The following RIMKLB variants were observed in gnomAD, a reference collection of about 807,000 sequenced individuals.
The protein encoded by RIMKLB is beta-citrylglutamate synthase B.
Under a neutral mutation model 32.0 loss-of-function variants are expected in RIMKLB, and 7 were observed. The observed-to-expected ratio is 0.22, with a 90% CI of 0.12 to 0.41. The LOEUF (loss-of-function observed/expected upper bound fraction) is 0.41. Among genes scored for constraint, RIMKLB ranks in the 10% least tolerant of loss-of-function variants. RIMKLB has a pLI of 1.00. For synonymous variants in RIMKLB, 172 were observed against 185.1 expected (o/e 0.93, Z 0.57); for missense variants, 289 against 498.7 (o/e 0.58, Z 4.00).
chr12:8,754,257 C>T (rs1030322484), intron 5 of RIMKLB, among the ~76,000 whole-genome samples, 164 bp downstream of exon 5: 1 of 152,082 alleles, frequency 6.6e-6, no homozygotes, highest in African/African-American at 2.4e-5. Context: ...TAATTAAACT[C>T]TTGAGTTATT....
At chr12:8,762,953 G>A (rs1382820178) in intron 5 of RIMKLB, among the ~76,000 whole-genome samples, 1 of 152,176 alleles carries the variant, frequency 6.6e-6, no homozygotes, top group East Asian at 1.9e-4. Context: ...TTGTCTGGAA[G>A]AAATGTGGCT....
At chr12:8,746,598 CAAAAAAAAAAAAA>C (rs1185862870) in intron 2 of RIMKLB, among the ~76,000 whole-genome samples, 2 of 54,958 alleles carry the variant, frequency 3.6e-5, no homozygotes, top group Admixed American at 2.0e-4. Flanking sequence ...GACTCTGTCT[CAAAAAAAAAAAAA>C]AAAAAGAAAA....
At chr12:8,760,532 A>G (rs1009099610) in intron 5 of RIMKLB, among the ~76,000 whole-genome samples, 2 of 152,176 alleles carry the variant, frequency 1.3e-5, no homozygotes, top group Admixed American at 6.5e-5. Flanking sequence ...GTCTTCCACA[A>G]TGGTTGAACT....
At chr12:8,726,753 T>G (rs1176725679) in intron 2 of RIMKLB, among the ~76,000 whole-genome samples, 1 of 152,214 alleles carries the variant, frequency 6.6e-6, no homozygotes, top group African/African-American at 2.4e-5. Flanking sequence ...TCTTGTTTTT[T>G]GATCCACTGA....
chr12:8,680,772 C>T (rs1942394622), upstream of RIMKLB, among the ~76,000 whole-genome samples: 2 of 152,248 alleles, frequency 1.3e-5, 1 homozygote, highest in Non-Finnish European at 2.9e-5. Flanking sequence ...TAGAGATCTT[C>T]CTGAGACAGC....
chr12:8,735,186 T>C (rs1366463847), intron 2 of RIMKLB, among the ~76,000 whole-genome samples: 2 of 152,226 alleles, frequency 1.3e-5, no homozygotes, highest in Non-Finnish European at 2.9e-5. Context: ...TGTGGGGTAT[T>C]GCTGCCTACT....
chr12:8,673,063 G>A, the RIMKLB span, among the ~76,000 whole-genome samples: 1 of 152,086 alleles, frequency 6.6e-6, no homozygotes, highest in African/African-American at 2.4e-5. Flanking sequence ...TGTATTTTTA[G>A]TAGAGACAGG....
chr12:8,698,196 C>G lies in RIMKLB; in HGVS notation c.-158C>G, dbSNP rs760320588. ...CCCGGTATCCCGACCCCCTCCCCCT[C>G]CTCTCCTTCCCCCACTTCCAGCCGC... On this transcript the variant is annotated 5_prime_UTR_variant, in exon 1 of 6. Transcript: ENST00000535829. 5.0e-5 allele frequency: 18 copies of G among 362,632 alleles called. No homozygotes were observed. The highest frequency in any genetic ancestry group is 3.3e-4 in the South Asian group (18 of 54,918). The allele number at this position is 362,632 out of a possible 1,614,324, so 22.5% of individuals were successfully genotyped here. A position where few individuals can be genotyped will look rare whatever the true frequency, so the allele number is the denominator to read the frequency against.
At chr12:8,773,108 G>C (rs1592025736) in intron 5 of RIMKLB, among the ~76,000 whole-genome samples, 1 of 152,116 alleles carries the variant, frequency 6.6e-6, no homozygotes, top group Non-Finnish European at 1.5e-5. Context: ...AAAAAATATT[G>C]ACAACTTACG....
At chr12:8,711,668 C>A (rs750987802) in intron 1 of RIMKLB, among the ~76,000 whole-genome samples, 29 of 151,488 alleles carry the variant, frequency 1.9e-4, no homozygotes, top group Non-Finnish European at 1.0e-4. Flanking sequence ...ATCCCTCCCC[C>A]CTCCCCCAAA....
In RIMKLB at chr12:8,776,451, G is replaced by A. The variant is rs753383136; in HGVS notation, c.*2667G>A. ...TTTTCATAATTGTTTAATAACTTTT[G>A]TATAATCTTCATTGCTATTATGAGA... On this transcript the variant is annotated 3_prime_UTR_variant, in exon 6 of 6. Coordinates refer to ENST00000535829, the MANE Select transcript of RIMKLB (RefSeq NM_001297776.2). The A allele has an allele frequency of 1.9e-4, 156 of 830,810 alleles. No homozygotes were observed. The highest frequency in any genetic ancestry group is 2.1e-4 in the Non-Finnish European group (146 of 689,630). The allele number at this position is 830,810 out of a possible 1,614,324, so 51.5% of individuals were successfully genotyped here.
chr12:8,763,459 G>A (rs763140977), intron 5 of RIMKLB, among the ~76,000 whole-genome samples: 4 of 152,278 alleles, frequency 2.6e-5, no homozygotes, highest in East Asian at 1.9e-4. Context: ...TGGCTATTTC[G>A]CCATACCTGG....
upstream of RIMKLB, among the ~76,000 whole-genome samples, chr12:8,692,561 G>T (rs1018376862): frequency 1.3e-5 from 2 of 152,108 alleles, no homozygotes; most frequent in East Asian, 3.8e-4. Flanking sequence ...AGAAGTAGGG[G>T]GAAAACCTGT....
intron 1 of RIMKLB, among the ~76,000 whole-genome samples, chr12:8,688,546 C>G (rs1942644013): frequency 6.6e-6 from 1 of 152,132 alleles, no homozygotes; most frequent in Non-Finnish European, 1.5e-5. Flanking sequence ...TTTAGTTCTC[C>G]TGGTACTCCA....
At chr12:8,703,645 C>G (rs1349805069) in intron 1 of RIMKLB, among the ~76,000 whole-genome samples, 2 of 152,092 alleles carry the variant, frequency 1.3e-5, no homozygotes, top group Non-Finnish European at 2.9e-5. Context: ...GTCTCAAACT[C>G]CTGGCCTCAA....
chr12:8,680,793 C>T (rs1164242892), upstream of RIMKLB, among the ~76,000 whole-genome samples: 1 of 152,180 alleles, frequency 6.6e-6, no homozygotes, highest in Middle Eastern at 3.2e-3. Flanking sequence ...CAGGGACTCT[C>T]ATTCCCAGCA....
chr12:8,718,348 T>C (rs982017356), intron 2 of RIMKLB, among the ~76,000 whole-genome samples: 8 of 152,144 alleles, frequency 5.3e-5, no homozygotes, highest in African/African-American at 1.9e-4. Flanking sequence ...CGACCTCTTT[T>C]TAAAAATATA....
chr12:8,752,161 C>G, intron 4 of RIMKLB, 118 bp downstream of exon 4: 3 of 669,146 alleles, frequency 4.5e-6, no homozygotes, highest in Non-Finnish European at 7.8e-6. Flanking sequence ...CTCAGACTTA[C>G]AGAAGGCTAC....
intron 3 of RIMKLB, 148 bp from the exon 4 acceptor site, chr12:8,751,809 T>C: frequency 1.7e-6 from 1 of 603,852 alleles, no homozygotes. Context: ...ATTTTCAACT[T>C]ACACATACTT....
Sources: allele counts gnomAD v4.1 joint callset (sites outside exome capture counted in the v4.1 genomes callset), GRCh38; gene constraint gnomAD v4.1.1; transcripts MANE v1.5; gene names NCBI Gene and HGNC (gene_info 2026-07-23, HGNC 2026-07-21).